The following CIMIP2C variants were observed in gnomAD, a reference collection of about 807,000 sequenced individuals.
The protein encoded by CIMIP2C is ciliary microtubule inner protein 2C, also known as UPF0573 protein C2orf70.
the CIMIP2C span, among the ~76,000 whole-genome samples, chr2:26,572,633 T>A: frequency 6.6e-6 from 1 of 152,210 alleles, no homozygotes; most frequent in Non-Finnish European, 1.5e-5. Flanking sequence ...ATTCCCTACA[T>A]TCTGAACCAC....
At chr2:26,575,792 G>A in the CIMIP2C span, 1 of 1,343,776 alleles carries the variant, frequency 7.4e-7, no homozygotes, top group Admixed American at 2.2e-5. Context: ...CCAACATGCT[G>A]GGATTACAGG....
At chr2:26,569,313 T>TG in the CIMIP2C span, among the ~76,000 whole-genome samples, 3 of 152,080 alleles carry the variant, frequency 2.0e-5, no homozygotes, top group Non-Finnish European at 4.4e-5. Flanking sequence ...TCAGCTGGAA[T>TG]GGGAAAACTG....
At chr2:26,577,396 G>T in the CIMIP2C span, 3 of 897,374 alleles carry the variant, frequency 3.3e-6, no homozygotes, top group Non-Finnish European at 5.2e-6. Flanking sequence ...GGACTCCTCC[G>T]GGGGCATTAG....
chr2:26,579,401 G>C, the CIMIP2C span: 1 of 1,613,966 alleles, frequency 6.2e-7, no homozygotes, highest in Non-Finnish European at 8.5e-7. Context: ...CCACAGGAGC[G>C]GAAAAAGAGA....
At chr2:26,563,460 A>G in the CIMIP2C span, among the ~76,000 whole-genome samples, 1,991 of 152,242 alleles carry the variant, frequency 0.013, 37 homozygotes, top group African/African-American at 0.044. Flanking sequence ...TCTACTCTGG[A>G]CCGCCTCTCC....
the CIMIP2C span, among the ~76,000 whole-genome samples, chr2:26,571,710 CAG>C: frequency 6.6e-6 from 1 of 152,120 alleles, no homozygotes; most frequent in Non-Finnish European, 1.5e-5. Context: ...GCATTTTATT[CAG>C]AGTTTCTCTT....
At chr2:26,564,359 C>T in the CIMIP2C span, among the ~76,000 whole-genome samples, 1 of 152,326 alleles carries the variant, frequency 6.6e-6, no homozygotes, top group South Asian at 2.1e-4. Context: ...GGGGTGGGAG[C>T]TGCAGGTTTC....
chr2:26,576,271 C>T, the CIMIP2C span: 1 of 1,369,232 alleles, frequency 7.3e-7, no homozygotes, highest in Non-Finnish European at 9.9e-7. Flanking sequence ...GGAGACCTCG[C>T]ACCTGCCACA....
chr2:26,575,451 T>C, the CIMIP2C span, among the ~76,000 whole-genome samples: 1 of 152,192 alleles, frequency 6.6e-6, no homozygotes, highest in African/African-American at 2.4e-5. Flanking sequence ...GGGACAGTGA[T>C]TTGCCTACAG....
the CIMIP2C span, among the ~76,000 whole-genome samples, chr2:26,569,414 A>G: frequency 6.6e-6 from 1 of 152,216 alleles, no homozygotes. Flanking sequence ...GCTTGGTGTC[A>G]CAGGCAATAG....
At chr2:26,572,237 A>C in the CIMIP2C span, 1 of 1,326,298 alleles carries the variant, frequency 7.5e-7, no homozygotes, top group Non-Finnish European at 1.0e-6. Flanking sequence ...TATAACATTT[A>C]CATTCCATTC....
chr2:26,575,092 CTG>C, the CIMIP2C span, among the ~76,000 whole-genome samples: 1 of 152,206 alleles, frequency 6.6e-6, no homozygotes, highest in Non-Finnish European at 1.5e-5. Context: ...TCTAGAGTGC[CTG>C]TGTCACCAAG....
the CIMIP2C span, among the ~76,000 whole-genome samples, chr2:26,568,095 G>A: frequency 4.6e-5 from 7 of 152,164 alleles, no homozygotes; most frequent in African/African-American, 9.7e-5. Flanking sequence ...TTCGTTGTTC[G>A]GTTCTCATCT....
chr2:26,569,016 CAA>C, the CIMIP2C span, among the ~76,000 whole-genome samples: 91,937 of 132,094 alleles, frequency 0.7, 31,600 homozygotes, highest in East Asian at 0.87. Flanking sequence ...GACTCAGTCT[CAA>C]AAAAAAAAAA....
chr2:26,562,901 G>A, the CIMIP2C span: 89 of 568,840 alleles, frequency 1.6e-4, no homozygotes, highest in African/African-American at 1.4e-3. Context: ...CCCCTTCACA[G>A]GAAGGCGCTC....
chr2:26,572,137 T>C, the CIMIP2C span: 3 of 1,544,966 alleles, frequency 1.9e-6, no homozygotes, highest in Non-Finnish European at 2.6e-6. Context: ...TGACTCTGAT[T>C]TAAAGAGATT....
At chr2:26,564,269 T>A in the CIMIP2C span, among the ~76,000 whole-genome samples, 1 of 152,210 alleles carries the variant, frequency 6.6e-6, no homozygotes, top group African/African-American at 2.4e-5. Context: ...ATTGTCTGAC[T>A]CCTGGACATT....
the CIMIP2C span, among the ~76,000 whole-genome samples, chr2:26,569,584 G>A: frequency 6.6e-6 from 1 of 152,166 alleles, no homozygotes; most frequent in Non-Finnish European, 1.5e-5. Context: ...GATGGCTCAT[G>A]GTAATTAGTT....
At chr2:26,562,775 G>A in the CIMIP2C span, 5 of 1,175,670 alleles carry the variant, frequency 4.3e-6, no homozygotes, top group Non-Finnish European at 1.2e-6. Flanking sequence ...CCGGACTTTG[G>A]GGTTGAAGGA....
Sources: gnomAD v4.1 joint callset for allele counts (sites outside exome capture counted in the v4.1 genomes callset) on GRCh38, gnomAD v4.1.1 for gene constraint, MANE v1.5 for transcripts, NCBI Gene and HGNC (gene_info 2026-07-23, HGNC 2026-07-21) for gene names.